The following TRPC6 variants were observed in gnomAD, a reference collection of about 807,000 sequenced individuals.
The protein encoded by TRPC6 is short transient receptor potential channel 6.
TRPC6 carries 55 observed loss-of-function variants against 90.7 expected under a neutral mutation model. The ratio of observed to expected loss-of-function variants is 0.61; its 90% CI spans 0.49 to 0.76. The LOEUF (loss-of-function observed/expected upper bound fraction) is 0.76, where lower values mean the gene tolerates loss of function less well. TRPC6 is among the 30% of genes least tolerant of loss of function. The probability of loss-of-function intolerance (pLI) is 0.00; values close to 1 mark genes in which losing one functional copy is unlikely to be tolerated. For missense variants in TRPC6, 989 were observed against 1,122.7 expected (o/e 0.88, Z 1.70); for synonymous variants, 393 against 393.0 (o/e 1.00, Z 0.00).
Position 101,472,264 on chromosome 11 carries a change from A to C in TRPC6, c.2078T>G (p.Ile693Ser). Residue 693 changes from isoleucine (I) to serine (S), a missense_variant, in exon 8 of 13, where the codon ATC becomes AGC. Around this residue, in one of 4 missense-constraint regions of TRPC6, gnomAD observed 118 missense variants for 197.6 expected, o/e 0.60. Coordinates refer to ENST00000344327, the MANE Select transcript of TRPC6 (RefSeq NM_004621.6). ...FGLSEVKSVV[I>S]NYNHKFIENI... ...TTCAATGAATTTGTGGTTATAGTTG[A>C]TGACCACTGATTTCACTTCAGAAAG... The C allele has an allele frequency of 6.2e-7, 1 of 1,613,410 alleles. No individual in the cohort carries two copies. The highest frequency in any genetic ancestry group is 2.2e-5 in the East Asian group (1 of 44,850).
chr11:101,583,536 C>G lies in TRPC6; in HGVS notation c.-33G>C. 2.1e-6 allele frequency: 3 copies of G among 1,418,418 alleles called. No homozygotes were observed. Among genetic ancestry groups the G allele is most frequent in the Non-Finnish European group, 2.7e-6 (3 of 1,091,916 alleles). 87.9% of individuals were successfully genotyped at this position (1,418,418 alleles called of 1,614,324 possible). ...ACGCCCGACTGGCCTGGGCCCCGCT[C>G]CCGGGGGAGCCGAGTGGGCAGTTCC... On this transcript the variant is annotated 5_prime_UTR_variant, in exon 1 of 13. Transcript: ENST00000344327.
chr11:101,567,141 C>T (rs1861853431), intron 1 of TRPC6, among the ~76,000 whole-genome samples: 1 of 152,060 alleles, frequency 6.6e-6, no homozygotes, highest in Non-Finnish European at 1.5e-5. Context: ...CTGGCCAACA[C>T]AGCAGTCTGA....
chr11:101,525,868 C>T (rs200404332), intron 1 of TRPC6, among the ~76,000 whole-genome samples: 4 of 152,182 alleles, frequency 2.6e-5, no homozygotes, highest in African/African-American at 9.7e-5. Flanking sequence ...ACTATGGCTA[C>T]AAGCCACAGT....
intron 1 of TRPC6, among the ~76,000 whole-genome samples, chr11:101,582,896 T>C (rs1223693768): frequency 2.0e-5 from 3 of 151,950 alleles, no homozygotes; most frequent in African/African-American, 7.2e-5. Flanking sequence ...GCTCCAACCC[T>C]TGGAGTTCTA....
chr11:101,521,681 T>C (rs955670433), intron 1 of TRPC6, among the ~76,000 whole-genome samples: 1 of 152,194 alleles, frequency 6.6e-6, no homozygotes, highest in African/African-American at 2.4e-5. Context: ...ACACCAGCCC[T>C]TGAGAGCAGC....
intron 4 of TRPC6, among the ~76,000 whole-genome samples, chr11:101,485,835 A>G (rs1221399418): frequency 6.6e-6 from 1 of 152,116 alleles, no homozygotes; most frequent in Non-Finnish European, 1.5e-5. Context: ...TGAGCCACAA[A>G]TCTGAAAACT....
chr11:101,497,732 G>T (rs765640575), intron 2 of TRPC6, among the ~76,000 whole-genome samples: 6 of 151,942 alleles, frequency 3.9e-5, no homozygotes, highest in Non-Finnish European at 7.4e-5. Flanking sequence ...GGATACATTT[G>T]CAGAACATGT....
rs144921047 is a variant in TRPC6, at chr11:101,486,599, A to G, written c.1293+2338T>C. ...CAATTGATATTTGGATTACAGTAGA[A>G]GAAAGAGAGCAAGTAAAAACAAAAG... On this transcript the variant is annotated intron_variant, in intron 4 of 12. Coordinates refer to ENST00000344327, the MANE Select transcript of TRPC6 (RefSeq NM_004621.6). Among the ~76,000 whole-genome samples, 816 of 152,304 alleles carry G rather than the reference A, an allele frequency of 5.4e-3. 3 individuals carry two copies. Among genetic ancestry groups the G allele is most frequent in the African/African-American group, 0.019 (777 of 41,566 alleles).
intron 1 of TRPC6, among the ~76,000 whole-genome samples, chr11:101,568,054 G>A (rs1287481199): frequency 6.6e-6 from 1 of 152,104 alleles, no homozygotes; most frequent in African/African-American, 2.4e-5. Context: ...CAGAAGGTGG[G>A]TAATAACAAA....
At chr11:101,547,752 C>A (rs1056658796) in intron 1 of TRPC6, among the ~76,000 whole-genome samples, 1 of 152,166 alleles carries the variant, frequency 6.6e-6, no homozygotes, top group African/African-American at 2.4e-5. Flanking sequence ...CATACACTAA[C>A]AAATGGACAT....
At chr11:101,553,167 G>A (rs768407510) in intron 1 of TRPC6, among the ~76,000 whole-genome samples, 3 of 152,054 alleles carry the variant, frequency 2.0e-5, no homozygotes, top group Non-Finnish European at 2.9e-5. Context: ...ATTCAAGATC[G>A]TGAACCTGAG....
intron 1 of TRPC6, among the ~76,000 whole-genome samples, chr11:101,555,439 G>A (rs1318957863): frequency 6.6e-6 from 1 of 152,122 alleles, no homozygotes; most frequent in Admixed American, 6.6e-5. Flanking sequence ...ATTTGCTCAT[G>A]ACCTGAGCTT....
At chr11:101,487,870 T>C (rs530164060) in intron 4 of TRPC6, among the ~76,000 whole-genome samples, 1 of 152,294 alleles carries the variant, frequency 6.6e-6, no homozygotes, top group Admixed American at 6.5e-5. Flanking sequence ...TTCCACTGTC[T>C]AAAAGGCTTT....
In TRPC6 at chr11:101,538,767, G is replaced by A. The variant is rs186401964; in HGVS notation, c.171-33969C>T. On this transcript the variant is annotated intron_variant, in intron 1 of 12. Transcript: ENST00000344327. ...ACCCACGTGAGAAGGCCACACTGCT[G>A]CTGGCTTTGAAGATGAAGAGAGTCA... 3.9e-4 allele frequency among the ~76,000 whole-genome samples: 59 copies of A among 152,292 alleles called. 1 individual carries two copies. Among genetic ancestry groups the A allele is most frequent in the African/African-American group, 1.3e-3 (55 of 41,566 alleles).
intron 1 of TRPC6, among the ~76,000 whole-genome samples, chr11:101,540,335 G>A (rs1591121770): frequency 3.3e-5 from 5 of 152,226 alleles, no homozygotes; most frequent in Admixed American, 2.0e-4. Flanking sequence ...TAGGTACTCA[G>A]AGCAGGACAT....
At chr11:101,491,144 A>G (rs1859795011) in intron 3 of TRPC6, among the ~76,000 whole-genome samples, 2 of 152,212 alleles carry the variant, frequency 1.3e-5, no homozygotes, top group East Asian at 3.9e-4. Flanking sequence ...TGCCTAGTGC[A>G]ACTGTTAATT....
At chr11:101,561,168 C>CAA in intron 1 of TRPC6, among the ~76,000 whole-genome samples, 1 of 152,180 alleles carries the variant, frequency 6.6e-6, no homozygotes, top group Non-Finnish European at 1.5e-5. Flanking sequence ...GATAAAGTAT[C>CAA]AATTCTATCA....
At chr11:101,579,973 ATGGTAGATTACCC>A (rs753782563) in intron 1 of TRPC6, among the ~76,000 whole-genome samples, 1 of 152,130 alleles carries the variant, frequency 6.6e-6, no homozygotes, top group Non-Finnish European at 1.5e-5. Flanking sequence ...TTCTTAGCAC[ATGGTAGATTACCC>A]TTTTATTTTT....
intron 9 of TRPC6, among the ~76,000 whole-genome samples, chr11:101,469,746 A>C (rs987885563): frequency 6.6e-6 from 1 of 152,142 alleles, no homozygotes; most frequent in Admixed American, 6.5e-5. Context: ...AGGAAGGGAA[A>C]TTTTTGCCAC....
Sources: gnomAD v4.1 joint callset for allele counts (sites outside exome capture counted in the v4.1 genomes callset) on GRCh38, gnomAD v4.1.1 for gene constraint, gnomAD v4.1.1 regional missense constraint, MANE v1.5 for transcripts, NCBI Gene and HGNC (gene_info 2026-07-23, HGNC 2026-07-21) for gene names.